RBMS1: variants seen among roughly 807,000 people sequenced by gnomAD.
RBMS1 encodes RNA-binding motif, single-stranded-interacting protein 1.
In RBMS1, 17 loss-of-function variants were observed where a neutral mutation model predicts 62.3. That is an observed-to-expected ratio of 0.27 (90% CI 0.19 to 0.41). RBMS1 has a LOEUF of 0.41. Among genes scored for constraint, RBMS1 ranks in the 10% least tolerant of loss-of-function variants. RBMS1 has a pLI of 1.00. For synonymous variants in RBMS1, 172 were observed against 170.0 expected, an observed-to-expected ratio of 1.01 and a Z score of -0.09; for missense variants, 334 against 504.5, an observed-to-expected ratio of 0.66 and a Z score of 3.24.
intron 2 of RBMS1, among the ~76,000 whole-genome samples, chr2:160,350,423 G>GTAATAACAATATTACAAATGTAATACATT (rs1692430537): frequency 6.6e-6 from 1 of 152,070 alleles, no homozygotes; most frequent in Non-Finnish European, 1.5e-5. Flanking sequence ...CATTACATCT[G>GTAATAACAATATTACAAATGTAATACATT]TGTAATAACA....
chr2:160,352,897 T>G (rs1692595254), intron 2 of RBMS1, among the ~76,000 whole-genome samples: 2 of 152,136 alleles, frequency 1.3e-5, no homozygotes, highest in African/African-American at 4.8e-5. Context: ...TTTATATCTA[T>G]TATGAGGCAC....
intron 4 of RBMS1, among the ~76,000 whole-genome samples, chr2:160,312,446 G>A (rs1425006248): frequency 6.6e-6 from 1 of 152,110 alleles, no homozygotes; most frequent in Non-Finnish European, 1.5e-5. Context: ...TATTAAGCAT[G>A]AAACATGGTC....
intron 1 of RBMS1, among the ~76,000 whole-genome samples, chr2:160,400,649 C>G (rs892153378): frequency 3.9e-5 from 6 of 152,108 alleles, no homozygotes; most frequent in African/African-American, 1.2e-4. Flanking sequence ...ATATATATAG[C>G]TACGTTTCCC....
intron 2 of RBMS1, among the ~76,000 whole-genome samples, chr2:160,322,131 T>C (rs1423957263): frequency 6.6e-6 from 1 of 152,220 alleles, no homozygotes; most frequent in African/African-American, 2.4e-5. Flanking sequence ...TTTTATTTAA[T>C]TAACTTCACA....
intron 1 of RBMS1, among the ~76,000 whole-genome samples, chr2:160,377,123 C>T (rs113367008): frequency 6.6e-6 from 1 of 151,962 alleles, no homozygotes; most frequent in Admixed American, 6.6e-5. Context: ...CAAGATCCAC[C>T]TCAAAAGTTA....
intron 2 of RBMS1, among the ~76,000 whole-genome samples, chr2:160,344,405 T>C (rs1182432513): frequency 6.6e-6 from 1 of 152,168 alleles, no homozygotes; most frequent in Non-Finnish European, 1.5e-5. Flanking sequence ...GGCAAATATA[T>C]TTTTGCATCC....
chr2:160,432,878 C>CA (rs1254597354), intron 1 of RBMS1, among the ~76,000 whole-genome samples: 2 of 151,774 alleles, frequency 1.3e-5, no homozygotes, highest in Non-Finnish European at 2.9e-5. Flanking sequence ...ACAAGCATTT[C>CA]ACTTAATGGT....
intron 1 of RBMS1, among the ~76,000 whole-genome samples, chr2:160,427,893 C>CA (rs2105281655): frequency 6.6e-6 from 1 of 152,180 alleles, no homozygotes; most frequent in South Asian, 2.1e-4. Flanking sequence ...ATCACTGTTC[C>CA]AAAAACATTT....
At chr2:160,415,796 T>A (rs1696187467) in intron 1 of RBMS1, among the ~76,000 whole-genome samples, 2 of 152,266 alleles carry the variant, frequency 1.3e-5, no homozygotes, top group South Asian at 4.1e-4. Flanking sequence ...GTTTCCTTTC[T>A]CTTCAGTTGC....
At chr2:160,439,416 G>C (rs113508026) in intron 1 of RBMS1, among the ~76,000 whole-genome samples, 1 of 150,894 alleles carries the variant, frequency 6.6e-6, no homozygotes, top group Non-Finnish European at 1.5e-5. Flanking sequence ...CATCCCGGAC[G>C]GGGCGGCAGG....
chr2:160,472,364 A>G (rs910803038), intron 1 of RBMS1, among the ~76,000 whole-genome samples: 1 of 152,068 alleles, frequency 6.6e-6, no homozygotes, highest in Non-Finnish European at 1.5e-5. Flanking sequence ...AAATATTTCT[A>G]TTTTCCTCAA....
At chr2:160,488,784 T>C (rs1292816684) in intron 1 of RBMS1, among the ~76,000 whole-genome samples, 1 of 152,212 alleles carries the variant, frequency 6.6e-6, no homozygotes, top group Non-Finnish European at 1.5e-5. Flanking sequence ...TGAGAGTAAC[T>C]TGACATACTC....
intron 1 of RBMS1, among the ~76,000 whole-genome samples, chr2:160,395,799 T>C (rs908692575): frequency 6.6e-6 from 1 of 152,206 alleles, no homozygotes; most frequent in African/African-American, 2.4e-5. Context: ...AGGACAAATA[T>C]AATAATCCTC....
intron 6 of RBMS1, among the ~76,000 whole-genome samples, chr2:160,291,309 T>A (rs2357772): frequency 0.19 from 29,059 of 152,114 alleles, 3,616 homozygotes; most frequent in Admixed American, 0.36. Flanking sequence ...CTGTAAAATG[T>A]AAACTGCCCT....
chr2:160,424,713 C>T (rs966502984), intron 1 of RBMS1, among the ~76,000 whole-genome samples: 15 of 152,092 alleles, frequency 9.9e-5, no homozygotes, highest in African/African-American at 3.6e-4. Flanking sequence ...TCTATTCACT[C>T]ACAAATGACT....
chr2:160,439,084 G>A, intron 1 of RBMS1, among the ~76,000 whole-genome samples: 1 of 150,826 alleles, frequency 6.6e-6, no homozygotes, highest in Non-Finnish European at 1.5e-5. Flanking sequence ...CTTCCCAGTA[G>A]GGGCGGCCGG....
intron 2 of RBMS1, among the ~76,000 whole-genome samples, chr2:160,362,994 C>T (rs1693212593): frequency 6.6e-6 from 1 of 152,136 alleles, no homozygotes; most frequent in African/African-American, 2.4e-5. Context: ...CTTATTCTAG[C>T]AGAATTTCAA....
At chr2:160,363,434 G>A (rs1006929151) in intron 2 of RBMS1, among the ~76,000 whole-genome samples, 45 of 152,144 alleles carry the variant, frequency 3.0e-4, no homozygotes, top group African/African-American at 1.0e-3. Flanking sequence ...GGCAAACAGC[G>A]TTTGGACCTG....
At chr2:160,374,899 C>T (rs1196048986) in intron 1 of RBMS1, among the ~76,000 whole-genome samples, 1 of 151,684 alleles carries the variant, frequency 6.6e-6, no homozygotes, top group Non-Finnish European at 1.5e-5. Flanking sequence ...CATTGCACTC[C>T]AGCCTGGGCA....
Sources: gnomAD v4.1 joint callset for allele counts (sites outside exome capture counted in the v4.1 genomes callset) on GRCh38, gnomAD v4.1.1 for gene constraint, MANE v1.5 for transcripts, NCBI Gene and HGNC (gene_info 2026-07-23, HGNC 2026-07-21) for gene names.